The following UGT1A7 variants were observed in gnomAD, a reference collection of about 807,000 sequenced individuals.
UGT1A7 encodes the protein UDP glucuronosyltransferase family 1 member A7.
In UGT1A7, 33 loss-of-function variants were observed where a neutral mutation model predicts 45.6. The ratio of observed to expected loss-of-function variants is 0.72; its 90% CI spans 0.55 to 0.97. The LOEUF is 0.97. Ranked by LOEUF, UGT1A7 falls within the 50% of genes least tolerant of loss-of-function variation. UGT1A7 has a pLI of 0.00. For synonymous variants in UGT1A7, 274 were observed against 250.6 expected (o/e 1.09, Z -0.88); for missense variants, 684 against 666.2 (o/e 1.03, Z -0.29).
At chr2:233,712,807 G>A (rs181271585) in intron 1 of UGT1A7, among the ~76,000 whole-genome samples, 194 of 152,338 alleles carry the variant, frequency 1.3e-3, no homozygotes, top group African/African-American at 4.6e-3. Context: ...TCTTTCCCAG[G>A]GTGGGGCCCA....
intron 1 of UGT1A7, among the ~76,000 whole-genome samples, chr2:233,734,157 A>G (rs2078492221): frequency 6.6e-6 from 1 of 152,100 alleles, no homozygotes; most frequent in Non-Finnish European, 1.5e-5. Context: ...CTGGTCCTGG[A>G]CTTTTTTTGG....
At chr2:233,735,635 G>T (rs1575610162) in intron 1 of UGT1A7, among the ~76,000 whole-genome samples, 2 of 152,280 alleles carry the variant, frequency 1.3e-5, no homozygotes, top group East Asian at 3.9e-4. Flanking sequence ...GCATGTTTTT[G>T]CAGTGGCTGG....
At chr2:233,739,588 C>A (rs1487878859) in intron 1 of UGT1A7, among the ~76,000 whole-genome samples, 1 of 152,180 alleles carries the variant, frequency 6.6e-6, no homozygotes, top group African/African-American at 2.4e-5. Context: ...TTGCATGGGG[C>A]CTATAGCCCC....
At position 233,738,564 on chromosome 2, in the gene UGT1A7, T is replaced by G. The variant is rs1575624453; in HGVS notation, c.856-28470T>G. Reference sequence around the variant, plus strand: ...GAGTCTCAGATAGAGATGAGGAATCTGTTGAGAACTGGAGCAAAGGTCACT... The same window carrying G: ...GAGTCTCAGATAGAGATGAGGAATCGGTTGAGAACTGGAGCAAAGGTCACT... On this transcript the variant is annotated intron_variant, in intron 1 of 4. Transcript: ENST00000373426. Among the ~76,000 whole-genome samples, 3 of 152,322 alleles carry G rather than the reference T, an allele frequency of 2.0e-5. No individual in the cohort carries two copies. The South Asian group carries it at 6.2e-4, about 32-fold the overall frequency.
intron 1 of UGT1A7, among the ~76,000 whole-genome samples, chr2:233,754,083 T>G (rs950704601): frequency 2.0e-5 from 3 of 152,238 alleles, no homozygotes; most frequent in Non-Finnish European, 4.4e-5. Flanking sequence ...TAACCTTTTA[T>G]CTAAATAATG....
chr2:233,729,699 C>A lies in UGT1A7; in HGVS notation c.856-37335C>A, dbSNP rs184386098. On this transcript the variant is annotated intron_variant, in intron 1 of 4. Coordinates refer to ENST00000373426, the MANE Select transcript of UGT1A7 (RefSeq NM_019077.3). Reference sequence around the variant, plus strand: ...AGGGCACACAGTGTCCAAACCCTTCCTCCTATATTCCTAGATTACTAACAA... The same window carrying A: ...AGGGCACACAGTGTCCAAACCCTTCATCCTATATTCCTAGATTACTAACAA... 39 of 1,613,944 alleles carry A rather than the reference C, an allele frequency of 2.4e-5. No homozygotes were observed. The East Asian group carries it at 8.7e-4, about 36-fold the overall frequency.
In UGT1A7 at chr2:233,682,432, T is replaced by C. The variant is rs1339746239; in HGVS notation, c.495T>C (p.Ser165=). 6.8e-6 allele frequency: 11 copies of C among 1,613,962 alleles called. No individual in the cohort carries two copies. Among genetic ancestry groups the C allele is most frequent in the South Asian group, 1.1e-5 (1 of 91,070 alleles). ...TTGCCAAATATTTCTCCCTCCCCTC[T>C]GTGGTCTTCGCCAGGGGAATATTTT... The part of the protein sequence containing the change: ...LIVAKYFSLP[S]VVFARGIFCH... Residue 165 remains serine, a synonymous_variant, in exon 1 of 5, where the codon TCT becomes TCC. Coordinates refer to ENST00000373426, the MANE Select transcript of UGT1A7 (RefSeq NM_019077.3).
chr2:233,751,035 T>C (rs1231285641), intron 1 of UGT1A7, among the ~76,000 whole-genome samples: 3 of 151,854 alleles, frequency 2.0e-5, no homozygotes, highest in African/African-American at 7.3e-5. Context: ...TAGCTTGCAC[T>C]GTGTGCCTGG....
chr2:233,693,284 T>C, intron 1 of UGT1A7: 1 of 1,614,156 alleles, frequency 6.2e-7, no homozygotes, highest in Non-Finnish European at 8.5e-7. Context: ...TTACCAATCA[T>C]TTGGAAACAA....
chr2:233,743,638 G>C (rs767583424), intron 1 of UGT1A7: 1 of 1,367,318 alleles, frequency 7.3e-7, no homozygotes, highest in East Asian at 4.5e-5. Context: ...CTGGGTCGCG[G>C]AAGCTGAAGA....
intron 1 of UGT1A7, among the ~76,000 whole-genome samples, chr2:233,758,422 T>G (rs1696873705): frequency 6.6e-6 from 1 of 152,238 alleles, no homozygotes; most frequent in South Asian, 2.1e-4. Flanking sequence ...AATCTGCAAA[T>G]GAACTCACAC....
intron 1 of UGT1A7, chr2:233,744,108 T>G: frequency 2.5e-6 from 1 of 394,750 alleles, no homozygotes; most frequent in South Asian, 2.1e-5. Flanking sequence ...GGACTGGCCC[T>G]GCTCTCTGTG....
chr2:233,701,796 C>T (rs969772505), intron 1 of UGT1A7, among the ~76,000 whole-genome samples: 2 of 152,064 alleles, frequency 1.3e-5, no homozygotes, highest in African/African-American at 2.4e-5. Context: ...TTGAAATCAA[C>T]GAGAACAAAG....
At position 233,767,727 on chromosome 2, in the gene UGT1A7, T is replaced by C. The variant is rs28946890; in HGVS notation, c.988-122T>C. The C allele has an allele frequency of 9.9e-4, 1,538 of 1,556,204 alleles. 17 individuals are homozygous for C. In the African/African-American group the frequency reaches 0.019, roughly 19 times the overall value. ...CCTCAGAAGCCTTCACAGTTACTGA[T>C]CCTCCCACTCTGTTAAAGACTGTTC... On this transcript the variant is annotated intron_variant, in intron 2 of 4. Coordinates refer to ENST00000373426, the MANE Select transcript of UGT1A7 (RefSeq NM_019077.3).
intron 1 of UGT1A7, among the ~76,000 whole-genome samples, chr2:233,766,718 A>C (rs1196148509): frequency 6.6e-6 from 1 of 152,074 alleles, no homozygotes; most frequent in East Asian, 1.9e-4. Flanking sequence ...CTCTAAGTGG[A>C]ATTATCACTG....
chr2:233,746,671 G>C (rs1345040800), intron 1 of UGT1A7, among the ~76,000 whole-genome samples: 1 of 151,792 alleles, frequency 6.6e-6, no homozygotes, highest in East Asian at 1.9e-4. Flanking sequence ...TCCTAGCATA[G>C]TAGGTAGGGC....
Position 233,757,535 on chromosome 2 carries a change from A to AATATATATATATAT in UGT1A7, c.856-9486_856-9473dup, listed in dbSNP as rs67292694. Among the ~76,000 whole-genome samples the AATATATATATATAT allele has an allele frequency of 5.3e-3, 468 of 88,236 alleles. 9 individuals carry two copies. Among genetic ancestry groups the AATATATATATATAT allele is most frequent in the South Asian group, 0.014 (26 of 1,916 alleles). The allele number at this position is 88,236 out of a possible 152,430, so 57.9% of individuals were successfully genotyped here. Reference sequence around the variant, plus strand: ...CAAAGCCAAAATCTTGCCTGTAAGGAATATATATATATATATATATATATA... The same window carrying AATATATATATATAT: ...CAAAGCCAAAATCTTGCCTGTAAGGAATATATATATATATATATATATATATATATATATATATA... On this transcript the variant is annotated intron_variant, in intron 1 of 4. Transcript: ENST00000373426.
In UGT1A7 at chr2:233,772,530, A is replaced by G; in HGVS notation, c.1564A>G (p.Lys522Glu). The change falls in exon 5 of 5, where the codon AAG becomes GAG. Residue 522 changes from lysine (K) to glutamate (E), a missense_variant. By Grantham distance (56) the Lys-to-Glu change is moderately conservative (BLOSUM62 1). Transcript: ENST00000373426. ...ATGCTTGGGGAAAAAAGGGCGAGTT[A>G]AGAAAGCCCACAAATCCAAGACCCA... ...RKCLGKKGRVKKAHKSKTH is the reference protein window; with the variant it reads ...RKCLGKKGRVEKAHKSKTH 6.2e-7 allele frequency: 1 copy of G among 1,614,200 alleles called. No individual in the cohort carries two copies. The highest frequency in any genetic ancestry group is 2.2e-5 in the East Asian group (1 of 44,884).
chr2:233,772,177 GTCT>G, intron 4 of UGT1A7, 82 bp from the exon 5 acceptor site: 1 of 1,583,018 alleles, frequency 6.3e-7, no homozygotes. Flanking sequence ...AAATCTGGTA[GTCT>G]TCTTAAGCAG....
Sources: gnomAD v4.1 joint callset for allele counts (sites outside exome capture counted in the v4.1 genomes callset) on GRCh38, gnomAD v4.1.1 for gene constraint, MANE v1.5 for transcripts, NCBI Gene and HGNC (gene_info 2026-07-23, HGNC 2026-07-21) for gene names.